The following TES variants were observed in gnomAD, a reference collection of about 807,000 sequenced individuals.
The protein encoded by TES is testin.
Under a neutral mutation model 48.2 loss-of-function variants are expected in TES, and 41 were observed. The observed-to-expected ratio is 0.85, with a 90% CI of 0.66 to 1.10. The LOEUF (loss-of-function observed/expected upper bound fraction) is 1.10. TES is among the 50% of genes least tolerant of loss of function. The pLI, the probability that TES is intolerant of heterozygous loss-of-function variation, is 0.00. For synonymous variants in TES, 162 were observed against 174.9 expected, an observed-to-expected ratio of 0.93 and a Z score of 0.58; for missense variants, 463 against 515.1, an observed-to-expected ratio of 0.90 and a Z score of 0.98.
chr7:116,210,567 G>A lies in TES; in HGVS notation c.-141G>A, dbSNP rs1799422198. On this transcript the variant is annotated 5_prime_UTR_variant, in exon 1 of 7. Transcript: ENST00000358204. ...GCGGCGGACTGGGCGGCGGAAGTTC[G>A]ACGGCGCCGGGCGAGTGGCTGTTGA... 2 of 974,268 alleles carry A rather than the reference G, an allele frequency of 2.1e-6. No individual in the cohort carries two copies. Among genetic ancestry groups the A allele is most frequent in the Admixed American group, 4.4e-5 (1 of 22,474 alleles). 60.4% of individuals were successfully genotyped at this position (974,268 alleles called of 1,614,324 possible).
At chr7:116,246,946 C>CTTTTTTTTTTTTTTTTTTTTTTTTTTT (rs148032626) in intron 2 of TES, among the ~76,000 whole-genome samples, 2 of 131,046 alleles carry the variant, frequency 1.5e-5, no homozygotes, top group African/African-American at 2.9e-5. Context: ...AGACTAGGCC[C>CTTTTTTTTTTTTTTTTTTTTTTTTTTT]CTTTTTTTTT....
chr7:116,246,632 A>G (rs1799926500), intron 2 of TES, among the ~76,000 whole-genome samples: 2 of 152,140 alleles, frequency 1.3e-5, no homozygotes, highest in Non-Finnish European at 2.9e-5. Context: ...TTTCTTTCCT[A>G]ATTCAGGACC....
intron 1 of TES, among the ~76,000 whole-genome samples, chr7:116,226,988 C>G (rs1799628957): frequency 6.6e-6 from 1 of 152,176 alleles, no homozygotes; most frequent in Non-Finnish European, 1.5e-5. Context: ...CTTAATCACA[C>G]TAGTTCTTTG....
intron 2 of TES, among the ~76,000 whole-genome samples, chr7:116,239,805 C>G (rs376462065): frequency 6.6e-5 from 10 of 152,264 alleles, no homozygotes; most frequent in African/African-American, 2.4e-4. Flanking sequence ...GCTGGGAATG[C>G]TTTCAAGTAA....
intron 6 of TES, among the ~76,000 whole-genome samples, chr7:116,254,883 C>T (rs1434719830): frequency 6.6e-6 from 1 of 150,874 alleles, no homozygotes; most frequent in Non-Finnish European, 1.5e-5. Context: ...ATATCCATTG[C>T]CAGAACAGAT....
Position 116,216,392 on chromosome 7 carries a change from G to A in TES, c.27+5658G>A, listed in dbSNP as rs139237337. ...TATTTAAAATTGCCCTAAGCTGAGA[G>A]TTGGTAGATCCGAGTCCACTATTTT... On this transcript the variant is annotated intron_variant, in intron 1 of 6. Transcript: ENST00000358204. Among the ~76,000 whole-genome samples, 42 of 152,142 alleles carry A rather than the reference G, an allele frequency of 2.8e-4. No homozygotes were observed. In the South Asian group the frequency reaches 3.7e-3, roughly 14 times the overall value.
At chr7:116,214,000 CAACAGAGAAAGAGAACTACAAT>C (rs1200822435) in intron 1 of TES, among the ~76,000 whole-genome samples, 1 of 151,962 alleles carries the variant, frequency 6.6e-6, no homozygotes, top group African/African-American at 2.4e-5. Context: ...AAGAACATAC[CAACAGAGAAAGAGAACTACAAT>C]AATTTCCCTT....
chr7:116,253,856 G>A (rs565027455), intron 6 of TES, among the ~76,000 whole-genome samples: 1 of 152,078 alleles, frequency 6.6e-6, no homozygotes, highest in East Asian at 1.9e-4. Flanking sequence ...GTGTGGGTGG[G>A]TGTGTGGGGG....
chr7:116,247,664 G>T (rs1437825488), intron 2 of TES, among the ~76,000 whole-genome samples: 1 of 152,034 alleles, frequency 6.6e-6, no homozygotes, highest in Non-Finnish European at 1.5e-5. Flanking sequence ...ATGCACGTTT[G>T]GTTGACAAAA....
chr7:116,257,348 A>G lies in TES; in HGVS notation c.1132A>G (p.Asn378Asp), dbSNP rs1448406380. 1 of 1,613,890 alleles carries G rather than the reference A, an allele frequency of 6.2e-7. No homozygotes were observed. The highest frequency in any genetic ancestry group is 1.3e-5 in the African/African-American group (1 of 74,914). The part of the protein sequence containing the change: ...IDPEVQRVTY[N>D]NFSWHASTEC... ...CCCAGAAGTGCAGCGGGTGACCTAT[A>G]ACAATTTCAGCTGGCATGCATCCAC... Residue 378 changes from asparagine (N) to aspartate (D), a missense_variant, in exon 7 of 7, where the codon AAC (asparagine) becomes GAC (aspartate). Transcript: ENST00000358204.
At chr7:116,237,597 A>G (rs1336779717) in intron 2 of TES, among the ~76,000 whole-genome samples, 1 of 152,182 alleles carries the variant, frequency 6.6e-6, no homozygotes, top group Non-Finnish European at 1.5e-5. Flanking sequence ...CTAGGAAACA[A>G]AAAGTCTCAG....
chr7:116,229,030 AT>A lies in TES; in HGVS notation c.28-5503del, dbSNP rs1563007782. On this transcript the variant is annotated intron_variant, in intron 1 of 6. Coordinates refer to ENST00000358204, the MANE Select transcript of TES (RefSeq NM_015641.4). ...TATATATATATATATATATATATATATATAATCATTTCCTTAATATTTGGTA... is the reference window on the plus strand; with the variant it reads ...TATATATATATATATATATATATATAATAATCATTTCCTTAATATTTGGTA... Among the ~76,000 whole-genome samples the A allele has an allele frequency of 4.0e-3, 454 of 112,796 alleles. 14 individuals are homozygous for A. Among genetic ancestry groups the A allele is most frequent in the African/African-American group, 0.012 (357 of 29,368 alleles). The allele number at this position is 112,796 out of a possible 152,430, so 74.0% of individuals were successfully genotyped here.
At chr7:116,251,491 G>T in intron 4 of TES, 1 of 371,054 alleles carries the variant, frequency 2.7e-6, no homozygotes, top group South Asian at 2.4e-5. Context: ...GACCATCCTG[G>T]CTAACACGGT....
chr7:116,242,523 CTCTCTCTCTCTCTCTG>C (rs1465342828), intron 2 of TES, among the ~76,000 whole-genome samples: 6 of 125,060 alleles, frequency 4.8e-5, no homozygotes, highest in African/African-American at 9.5e-5. Context: ...CTCTCTCTCT[CTCTCTCTCTCTCTCTG>C]TCTCTGTCTC....
chr7:116,223,935 G>T (rs1047828118), intron 1 of TES, among the ~76,000 whole-genome samples: 6 of 152,204 alleles, frequency 3.9e-5, no homozygotes, highest in African/African-American at 1.4e-4. Context: ...CCTACTAGTA[G>T]TCACACCCTT....
intron 1 of TES, among the ~76,000 whole-genome samples, chr7:116,220,553 G>A (rs1239583520): frequency 6.6e-6 from 1 of 152,154 alleles, no homozygotes; most frequent in Admixed American, 6.6e-5. Flanking sequence ...GGATTATTGT[G>A]AAATTAAATA....
At chr7:116,228,998 C>CTATATATATA (rs58514364) in intron 1 of TES, among the ~76,000 whole-genome samples, 20 of 110,142 alleles carry the variant, frequency 1.8e-4, no homozygotes, top group African/African-American at 4.4e-4. Flanking sequence ...GTATCTATAA[C>CTATATATATA]TATATATATA....
chr7:116,222,884 C>A, intron 1 of TES: 1 of 772,310 alleles, frequency 1.3e-6, no homozygotes, highest in Non-Finnish European at 1.6e-6. Flanking sequence ...TCAGCCAATC[C>A]TAATTAAGAA....
intron 2 of TES, 106 bp from the exon 3 acceptor site, chr7:116,248,914 C>T: frequency 8.4e-7 from 1 of 1,191,632 alleles, no homozygotes; most frequent in South Asian, 1.8e-5. Flanking sequence ...CCTTTGCATA[C>T]CATGATATAG....
Sources: gnomAD v4.1 joint callset for allele counts (sites outside exome capture counted in the v4.1 genomes callset) on GRCh38, gnomAD v4.1.1 for gene constraint, MANE v1.5 for transcripts, NCBI Gene and HGNC (gene_info 2026-07-23, HGNC 2026-07-21) for gene names.